BMERB1: variants seen among roughly 807,000 people sequenced by gnomAD.
The protein encoded by BMERB1 is bMERB domain containing 1.
A neutral mutation model predicts 23.6 loss-of-function variants in BMERB1; 12 were observed. That is an observed-to-expected ratio of 0.51 (90% confidence interval 0.33 to 0.82). BMERB1 has a LOEUF of 0.82. BMERB1 is among the 40% of genes least tolerant of loss of function. The pLI, the probability that BMERB1 is intolerant of heterozygous loss-of-function variation, is 0.03. For synonymous variants in BMERB1, 122 were observed against 96.6 expected, an observed-to-expected ratio of 1.26 and a Z score of -1.54; for missense variants, 247 against 255.4, an observed-to-expected ratio of 0.97 and a Z score of 0.22.
chr16:15,546,999 A>C (rs1598511032), intron 2 of BMERB1, among the ~76,000 whole-genome samples: 1 of 148,992 alleles, frequency 6.7e-6, no homozygotes, highest in Non-Finnish European at 1.5e-5. Flanking sequence ...GTATAAGGGC[A>C]CTGGCTCTTT....
chr16:15,516,848 TTTAG>T (rs1390279004), intron 2 of BMERB1, among the ~76,000 whole-genome samples: 1 of 151,668 alleles, frequency 6.6e-6, no homozygotes, highest in Non-Finnish European at 1.5e-5. Context: ...TTTATAAATT[TTTAG>T]TTACTTATTT....
At chr16:15,529,520 T>G (rs1272794339) in intron 2 of BMERB1, among the ~76,000 whole-genome samples, 1 of 152,128 alleles carries the variant, frequency 6.6e-6, no homozygotes, top group Non-Finnish European at 1.5e-5. Flanking sequence ...TTTTGTAAAT[T>G]TGTGTTCATT....
intron 3 of BMERB1, among the ~76,000 whole-genome samples, chr16:15,576,085 C>T (rs1301178951): frequency 1.4e-5 from 2 of 147,740 alleles, no homozygotes; most frequent in Non-Finnish European, 3.0e-5. Flanking sequence ...GTCACCCAGG[C>T]TGGAGTGCAG....
chr16:15,556,300 G>T (rs189452589), intron 2 of BMERB1, among the ~76,000 whole-genome samples: 18 of 152,278 alleles, frequency 1.2e-4, no homozygotes, highest in Admixed American at 1.0e-3. Context: ...GTGGATGGAA[G>T]TGGCTGTTCC....
intron 2 of BMERB1, among the ~76,000 whole-genome samples, chr16:15,552,923 C>T (rs921145891): frequency 6.6e-5 from 10 of 152,172 alleles, no homozygotes; most frequent in African/African-American, 2.4e-4. Flanking sequence ...CCTGTTATCT[C>T]AGTACTTTGG....
rs896274762 is a variant in BMERB1, at chr16:15,525,339, T to A, written c.230+9911T>A. Among the ~76,000 whole-genome samples, 5 of 152,232 alleles carry A rather than the reference T, an allele frequency of 3.3e-5. No homozygotes were observed. In the East Asian group the frequency reaches 9.6e-4, roughly 29 times the overall value. ...ACTTAACACCGTCAGCTCTCCTGGG[T>A]CTCCAGCTGCCACCTATAGATCTTG... On this transcript the variant is annotated intron_variant, in intron 2 of 5. Transcript: ENST00000300006.
chr16:15,568,925 G>T (rs999818978), intron 3 of BMERB1, among the ~76,000 whole-genome samples: 5 of 151,966 alleles, frequency 3.3e-5, no homozygotes, highest in Admixed American at 1.3e-4. Flanking sequence ...TTATCAAAAT[G>T]CTAGTCCCAG....
chr16:15,566,954 G>A (rs1256803245), intron 2 of BMERB1, among the ~76,000 whole-genome samples: 1 of 152,022 alleles, frequency 6.6e-6, no homozygotes, highest in Non-Finnish European at 1.5e-5. Flanking sequence ...AGGCTGAGGT[G>A]GGAGGATTGC....
At chr16:15,535,974 G>T (rs935640334) in intron 2 of BMERB1, among the ~76,000 whole-genome samples, 2 of 152,064 alleles carry the variant, frequency 1.3e-5, no homozygotes, top group African/African-American at 4.8e-5. Flanking sequence ...CACGAGAACA[G>T]CATGGAGGAA....
intron 2 of BMERB1, among the ~76,000 whole-genome samples, chr16:15,557,734 T>G (rs1415526762): frequency 1.3e-5 from 2 of 152,158 alleles, no homozygotes; most frequent in Non-Finnish European, 2.9e-5. Context: ...TCACACTACT[T>G]AAGTCATAAG....
intron 1 of BMERB1, among the ~76,000 whole-genome samples, chr16:15,509,277 C>T (rs2051629483): frequency 7.2e-6 from 1 of 139,622 alleles, no homozygotes; most frequent in Non-Finnish European, 1.5e-5. Flanking sequence ...GCATTCAGCC[C>T]TCACCAGGAG....
At chr16:15,566,619 T>A (rs2030571370) in intron 2 of BMERB1, among the ~76,000 whole-genome samples, 1 of 151,910 alleles carries the variant, frequency 6.6e-6, no homozygotes, top group African/African-American at 2.4e-5. Flanking sequence ...TGAGCCAAGA[T>A]CACACCACTG....
chr16:15,522,979 G>C (rs934145060), intron 2 of BMERB1, among the ~76,000 whole-genome samples: 6 of 152,180 alleles, frequency 3.9e-5, no homozygotes, highest in Non-Finnish European at 7.3e-5. Context: ...TCTTGCCTTG[G>C]TGCACCAGAA....
chr16:15,449,329 T>C (rs1482637043), intron 1 of BMERB1, among the ~76,000 whole-genome samples: 4 of 152,110 alleles, frequency 2.6e-5, no homozygotes, highest in African/African-American at 9.7e-5. Flanking sequence ...TGGGTACAAA[T>C]GGACACAAAG....
At chr16:15,517,899 CTG>C (rs943109843) in intron 2 of BMERB1, among the ~76,000 whole-genome samples, 34 of 112,606 alleles carry the variant, frequency 3.0e-4, no homozygotes, top group South Asian at 5.3e-4. Context: ...GTGTGTGGAT[CTG>C]TGTGTGTGTA....
At chr16:15,445,503 C>T (rs143045226) in intron 1 of BMERB1, among the ~76,000 whole-genome samples, 151 of 152,182 alleles carry the variant, frequency 9.9e-4, no homozygotes, top group African/African-American at 3.4e-3. Context: ...TCTGGAAGAG[C>T]TGAGCCTTAA....
At chr16:15,485,136 G>A (rs559469306) in intron 1 of BMERB1, among the ~76,000 whole-genome samples, 3 of 152,276 alleles carry the variant, frequency 2.0e-5, no homozygotes, top group African/African-American at 4.8e-5. Context: ...GCCTCAACTT[G>A]GATAATTTGC....
chr16:15,571,121 G>A (rs555864632), intron 3 of BMERB1, among the ~76,000 whole-genome samples: 7 of 152,010 alleles, frequency 4.6e-5, no homozygotes, highest in Non-Finnish European at 7.4e-5. Flanking sequence ...CAGCCCAGTA[G>A]GTCTCAGCCT....
At chr16:15,560,389 G>C (rs567453454) in intron 2 of BMERB1, among the ~76,000 whole-genome samples, 4 of 152,192 alleles carry the variant, frequency 2.6e-5, no homozygotes, top group African/African-American at 4.8e-5. Flanking sequence ...GCTACACGTA[G>C]GTCAAGGTTC....
Sources: allele counts gnomAD v4.1 joint callset (sites outside exome capture counted in the v4.1 genomes callset), GRCh38; gene constraint gnomAD v4.1.1; transcripts MANE v1.5; gene names NCBI Gene and HGNC (gene_info 2026-07-23, HGNC 2026-07-21).